LRRTM3: variants seen among roughly 807,000 people sequenced by gnomAD.
The protein encoded by LRRTM3 is leucine-rich repeat transmembrane neuronal protein 3.
A neutral mutation model predicts 44.7 loss-of-function variants in LRRTM3; 24 were observed. The observed-to-expected ratio is 0.54, with a 90% confidence interval of 0.39 to 0.76. The LOEUF (loss-of-function observed/expected upper bound fraction) is 0.76. Among genes scored for constraint, LRRTM3 ranks in the 30% least tolerant of loss-of-function variants. The pLI is 0.00. For missense variants in LRRTM3, 587 were observed against 702.2 expected (o/e 0.84, Z 1.85); for synonymous variants, 277 against 278.7 (o/e 0.99, Z 0.06).
At chr10:67,054,134 C>T (rs999335167) in intron 2 of LRRTM3, among the ~76,000 whole-genome samples, 1 of 151,996 alleles carries the variant, frequency 6.6e-6, no homozygotes, top group African/African-American at 2.4e-5. Flanking sequence ...CACATATTCA[C>T]GTAAGAAGGC....
chr10:67,045,493 C>T (rs1854675561), intron 2 of LRRTM3, among the ~76,000 whole-genome samples: 1 of 152,070 alleles, frequency 6.6e-6, no homozygotes, highest in African/African-American at 2.4e-5. Context: ...CAATAGATCG[C>T]GGCGAGGGAA....
intron 2 of LRRTM3, among the ~76,000 whole-genome samples, chr10:67,027,176 G>T (rs1853440622): frequency 6.6e-6 from 1 of 152,110 alleles, no homozygotes; most frequent in African/African-American, 2.4e-5. Flanking sequence ...AGAGGGAAAG[G>T]AGCGTAGGAA....
intron 2 of LRRTM3, among the ~76,000 whole-genome samples, chr10:66,993,830 C>T (rs1375544927): frequency 6.6e-6 from 1 of 151,874 alleles, no homozygotes; most frequent in Non-Finnish European, 1.5e-5. Flanking sequence ...GTTAGGTCTT[C>T]TTTTATGTCC....
At chr10:66,934,540 C>T (rs1847584967) in intron 2 of LRRTM3, among the ~76,000 whole-genome samples, 2 of 152,132 alleles carry the variant, frequency 1.3e-5, no homozygotes, top group East Asian at 3.9e-4. Flanking sequence ...CTATAAAACA[C>T]CTCTACAGTA....
intron 2 of LRRTM3, among the ~76,000 whole-genome samples, chr10:67,096,053 C>A (rs2131927683): frequency 6.6e-6 from 1 of 151,814 alleles, no homozygotes; most frequent in Admixed American, 6.6e-5. Flanking sequence ...TGTTTTAAAT[C>A]TTAAAAATCC....
chr10:66,973,546 C>T (rs561671870), intron 2 of LRRTM3, among the ~76,000 whole-genome samples: 1 of 152,294 alleles, frequency 6.6e-6, no homozygotes, highest in East Asian at 1.9e-4. Context: ...GTAACATTCT[C>T]ATTTATAATT....
chr10:66,999,646 G>C (rs1254425621), intron 2 of LRRTM3, among the ~76,000 whole-genome samples: 1 of 152,100 alleles, frequency 6.6e-6, no homozygotes, highest in African/African-American at 2.4e-5. Context: ...AACTAGATCA[G>C]GGTTAGTTTG....
At chr10:66,939,901 T>C (rs1199816792) in intron 2 of LRRTM3, among the ~76,000 whole-genome samples, 2 of 152,236 alleles carry the variant, frequency 1.3e-5, no homozygotes, top group Non-Finnish European at 2.9e-5. Context: ...AATCCTCAAG[T>C]TCTCTCTTTG....
At chr10:67,007,452 T>C (rs887871630) in intron 2 of LRRTM3, among the ~76,000 whole-genome samples, 9 of 152,094 alleles carry the variant, frequency 5.9e-5, no homozygotes, top group African/African-American at 1.9e-4. Context: ...TCATGATTTT[T>C]TTCATTTCTA....
chr10:66,956,876 T>TA (rs1848817943), intron 2 of LRRTM3, among the ~76,000 whole-genome samples: 3 of 152,204 alleles, frequency 2.0e-5, no homozygotes, highest in Non-Finnish European at 4.4e-5. Flanking sequence ...GGCCTCATCC[T>TA]CCTACGGGAC....
intron 2 of LRRTM3, among the ~76,000 whole-genome samples, chr10:67,016,593 C>G (rs2133057880): frequency 6.6e-6 from 1 of 152,258 alleles, no homozygotes; most frequent in East Asian, 1.9e-4. Context: ...TTATTCTCTA[C>G]TTTTCTTATG....
At chr10:67,059,486 G>A (rs369171097) in intron 2 of LRRTM3, among the ~76,000 whole-genome samples, 4 of 152,280 alleles carry the variant, frequency 2.6e-5, no homozygotes, top group Non-Finnish European at 4.4e-5. Context: ...AATTTAGGTC[G>A]AAGGTAATAT....
intron 2 of LRRTM3, among the ~76,000 whole-genome samples, chr10:67,082,610 C>A (rs2394324): frequency 0.54 from 81,761 of 151,938 alleles, 22,886 homozygotes; most frequent in African/African-American, 0.7. Context: ...CTTTGAATAA[C>A]TCAGCTGGCC....
At chr10:66,962,159 C>A (rs1364351881) in intron 2 of LRRTM3, among the ~76,000 whole-genome samples, 1 of 152,060 alleles carries the variant, frequency 6.6e-6, no homozygotes, top group Non-Finnish European at 1.5e-5. Context: ...TGTTCAAAAC[C>A]CTCTAGTGAC....
At chr10:66,979,779 T>C (rs1014305254) in intron 2 of LRRTM3, among the ~76,000 whole-genome samples, 67 of 152,302 alleles carry the variant, frequency 4.4e-4, no homozygotes, top group African/African-American at 1.5e-3. Flanking sequence ...TACAGCTTTT[T>C]CAAAATTTCC....
intron 2 of LRRTM3, among the ~76,000 whole-genome samples, chr10:67,076,570 A>C (rs1458572716): frequency 6.6e-6 from 1 of 152,220 alleles, no homozygotes; most frequent in Non-Finnish European, 1.5e-5. Flanking sequence ...CTGACTTTTA[A>C]AATCTAAAAG....
intron 2 of LRRTM3, among the ~76,000 whole-genome samples, chr10:67,038,656 A>C (rs903525506): frequency 2.0e-5 from 3 of 152,100 alleles, no homozygotes; most frequent in Non-Finnish European, 4.4e-5. Flanking sequence ...CTTGTCAACC[A>C]AGAATTGCTT....
rs1483182734 is a variant in LRRTM3, at chr10:67,023,892, T to C, written c.1537-73695T>C. Among the ~76,000 whole-genome samples the C allele has an allele frequency of 2.0e-5, 3 of 152,210 alleles. No homozygotes were observed. The East Asian group carries it at 5.8e-4, about 29-fold the overall frequency. ...AATGACACTCAATACTTGGATGGTG[T>C]TACTATGAAATTCATGGGTAAGAAG... On this transcript the variant is annotated intron_variant, in intron 2 of 2. Transcript: ENST00000361320.
chr10:67,082,371 C>T (rs1406105280), intron 2 of LRRTM3, among the ~76,000 whole-genome samples: 1 of 152,180 alleles, frequency 6.6e-6, no homozygotes, highest in East Asian at 1.9e-4. Flanking sequence ...ATTGCGATTT[C>T]GCTAGCACTG....
Sources: allele counts gnomAD v4.1 joint callset (sites outside exome capture counted in the v4.1 genomes callset), GRCh38; gene constraint gnomAD v4.1.1; transcripts MANE v1.5; gene names NCBI Gene and HGNC (gene_info 2026-07-23, HGNC 2026-07-21).